Variants in CFAP97 observed in about 807,000 individuals in gnomAD.
The protein encoded by CFAP97 is cilia- and flagella-associated protein 97.
CFAP97 carries 36 observed loss-of-function variants against 43.1 expected under a neutral mutation model. The ratio of observed to expected loss-of-function variants is 0.84; its 90% confidence interval spans 0.64 to 1.10. The LOEUF is 1.10. Ranked by LOEUF, CFAP97 falls within the 50% of genes least tolerant of loss-of-function variation. CFAP97 has a pLI of 0.00. For missense variants in CFAP97, 657 were observed against 620.3 expected (o/e 1.06, Z -0.63); for synonymous variants, 228 against 225.7 (o/e 1.01, Z -0.09).
intron 3 of CFAP97, among the ~76,000 whole-genome samples, chr4:185,171,229 G>T (rs1735290968): frequency 1.3e-5 from 2 of 151,846 alleles, no homozygotes; most frequent in Non-Finnish European, 2.9e-5. Context: ...GCTAGGCGGG[G>T]TGTCACACGC....
At chr4:185,167,174 A>C (rs1000072148) in intron 3 of CFAP97, among the ~76,000 whole-genome samples, 1 of 152,158 alleles carries the variant, frequency 6.6e-6, no homozygotes, top group Non-Finnish European at 1.5e-5. Flanking sequence ...AAGTTAAAAA[A>C]CAACAGTTCA....
At chr4:185,200,045 T>C (rs565336994) in intron 1 of CFAP97, among the ~76,000 whole-genome samples, 2 of 152,356 alleles carry the variant, frequency 1.3e-5, no homozygotes, top group South Asian at 4.1e-4. Context: ...CTGACGGATC[T>C]GAGCAAAATA....
chr4:185,170,162 A>G (rs1735237598), intron 3 of CFAP97: 2 of 615,742 alleles, frequency 3.2e-6, no homozygotes, highest in Admixed American at 3.8e-5. Flanking sequence ...AGCCTGGCTA[A>G]CATGGCAATA....
chr4:185,181,275 A>T (rs888198646), intron 2 of CFAP97, among the ~76,000 whole-genome samples: 1 of 37,688 alleles, frequency 2.7e-5, no homozygotes, highest in Non-Finnish European at 5.0e-5. Context: ...AAATAAAAAT[A>T]AAAAAAAATT....
intron 1 of CFAP97, among the ~76,000 whole-genome samples, chr4:185,203,097 G>A (rs879460637): frequency 1.3e-5 from 2 of 151,886 alleles, no homozygotes; most frequent in African/African-American, 2.4e-5. Context: ...GACTTTGGGA[G>A]GCCAAGACAG....
At chr4:185,187,519 C>A (rs558294439) in intron 2 of CFAP97, among the ~76,000 whole-genome samples, 1 of 151,604 alleles carries the variant, frequency 6.6e-6, no homozygotes, top group Non-Finnish European at 1.5e-5. Flanking sequence ...TAGAAAAAGG[C>A]TCTCCCTGGC....
At chr4:185,193,022 G>T (rs1282108274) in intron 1 of CFAP97, among the ~76,000 whole-genome samples, 1 of 151,878 alleles carries the variant, frequency 6.6e-6, no homozygotes, top group African/African-American at 2.4e-5. Flanking sequence ...TTACAGGCGT[G>T]AGCCACCGCG....
intron 2 of CFAP97, among the ~76,000 whole-genome samples, chr4:185,184,017 T>A (rs1046304884): frequency 6.6e-6 from 1 of 152,210 alleles, no homozygotes; most frequent in Non-Finnish European, 1.5e-5. Flanking sequence ...AGGTTCTCTA[T>A]ATCTAATTAA....
Position 185,186,119 on chromosome 4 carries a change from T to C in CFAP97, c.1054+4024A>G, listed in dbSNP as rs547768169. Among the ~76,000 whole-genome samples, 11 of 152,284 alleles carry C rather than the reference T, an allele frequency of 7.2e-5. No homozygotes were observed. In the South Asian group the frequency reaches 2.1e-3, roughly 29 times the overall value. ...CTGAGATTAATTTCAGATTTCACAT[T>C]GCAACTAACATCTAAGAAACTATTA... On this transcript the variant is annotated intron_variant, in intron 2 of 4. Coordinates refer to ENST00000458385, the MANE Select transcript of CFAP97 (RefSeq NM_020827.3).
intron 3 of CFAP97, chr4:185,170,034 T>C (rs1735233373): frequency 2.6e-6 from 3 of 1,164,008 alleles, no homozygotes; most frequent in Non-Finnish European, 3.2e-6. Flanking sequence ...CCTTTAATTA[T>C]TCCACATAAG....
In CFAP97 at chr4:185,190,672, G is replaced by A; in HGVS notation, c.525C>T (p.Ser175=). ...KYCKVSSSSS[S]SLSSSSSGSG... ...AACCTGAAGATGAGGAAGATAAAGA[G>A]GAGGAGGAAGAGGAGCTAACTTTGC... The change falls in exon 2 of 5, where the codon TCC becomes TCT. Residue 175 remains serine (S), a synonymous_variant. Coordinates refer to ENST00000458385, the MANE Select transcript of CFAP97 (RefSeq NM_020827.3). 1.9e-6 allele frequency: 3 copies of A among 1,576,288 alleles called. No individual in the cohort carries two copies. The highest frequency in any genetic ancestry group is 2.6e-6 in the Non-Finnish European group (3 of 1,159,692).
chr4:185,190,095 CAATA>C (rs1560868801), intron 2 of CFAP97, 44 bp downstream of exon 2: 1 of 1,373,398 alleles, frequency 7.3e-7, no homozygotes, highest in East Asian at 2.3e-5. Context: ...TATTTATGCC[CAATA>C]TATAATATTT....
Position 185,190,788 on chromosome 4 carries a change from C to CCTCT in CFAP97, c.405_408dup (p.Glu137ArgfsTer5). ...TATTTCTTCCCATCATCACTGCTTT[C>CCTCT]CTCTCCATCTGTGTAGTAATCATCT... is the stretch of plus-strand genomic sequence containing the variant. On this transcript the variant is annotated frameshift_variant, in exon 2 of 5. Transcript: ENST00000458385. LOFTEE classifies it high-confidence loss of function. 2 of 1,605,952 alleles carry CCTCT rather than the reference C, an allele frequency of 1.2e-6. No individual in the cohort carries two copies. Among genetic ancestry groups the CCTCT allele is most frequent in the Non-Finnish European group, 1.7e-6 (2 of 1,175,500 alleles).
chr4:185,176,162 G>T, intron 2 of CFAP97, 111 bp from the exon 3 acceptor site: 1 of 961,830 alleles, frequency 1.0e-6, no homozygotes, highest in South Asian at 1.8e-5. Context: ...ACCCAGACTG[G>T]AGTGCAATGG....
chr4:185,163,582 T>C (rs900275995), intron 4 of CFAP97, among the ~76,000 whole-genome samples: 2 of 151,880 alleles, frequency 1.3e-5, no homozygotes, highest in African/African-American at 4.8e-5. Context: ...TACTGCTTAC[T>C]GTAAAGCGGT....
chr4:185,196,228 C>G (rs1736536705), intron 1 of CFAP97, among the ~76,000 whole-genome samples: 1 of 151,976 alleles, frequency 6.6e-6, no homozygotes, highest in Non-Finnish European at 1.5e-5. Flanking sequence ...AATCCCAGCA[C>G]TTTGGGAGGC....
chr4:185,191,400 C>T (rs1736249982), intron 1 of CFAP97, among the ~76,000 whole-genome samples, 188 bp from the exon 2 acceptor site: 1 of 152,044 alleles, frequency 6.6e-6, no homozygotes. Flanking sequence ...ACAAGTTCTA[C>T]CAATTATCTG....
Position 185,179,009 on chromosome 4 carries a change from A to G in CFAP97, c.1055-2958T>C, listed in dbSNP as rs1233278450. On this transcript the variant is annotated intron_variant, in intron 2 of 4. Coordinates refer to ENST00000458385, the MANE Select transcript of CFAP97 (RefSeq NM_020827.3). ...AAGAGAGGGGCGCTAAAAAAATCATAAAAAGAACTGGCCAGTTTTCAAGCA... is the reference window on the plus strand; with the variant it reads ...AAGAGAGGGGCGCTAAAAAAATCATGAAAAGAACTGGCCAGTTTTCAAGCA... Among the ~76,000 whole-genome samples, 5 of 152,172 alleles carry G rather than the reference A, an allele frequency of 3.3e-5. No individual in the cohort carries two copies. In the East Asian group the frequency reaches 9.6e-4, roughly 29 times the overall value.
chr4:185,185,764 C>A (rs6838840), intron 2 of CFAP97, among the ~76,000 whole-genome samples: 8,822 of 151,674 alleles, frequency 0.058, 674 homozygotes, highest in African/African-American at 0.18. Context: ...AACCTCCCCC[C>A]GCAGCTGGGA....
Sources: allele counts gnomAD v4.1 joint callset (sites outside exome capture counted in the v4.1 genomes callset), GRCh38; gene constraint gnomAD v4.1.1; transcripts MANE v1.5; gene names NCBI Gene and HGNC (gene_info 2026-07-23, HGNC 2026-07-21).